DIP2C: variants seen among roughly 807,000 people sequenced by gnomAD.
DIP2C encodes the protein disco-interacting protein 2 homolog C.
Under a neutral mutation model 192.4 loss-of-function variants are expected in DIP2C, and 33 were observed. The observed-to-expected ratio is 0.17, with a 90% CI of 0.13 to 0.23. DIP2C has a LOEUF of 0.23. Ranked by LOEUF, DIP2C falls within the 10% of genes least tolerant of loss-of-function variation. DIP2C has a pLI of 1.00. For synonymous variants in DIP2C, 979 were observed against 864.1 expected (o/e 1.13, Z -2.33); for missense variants, 1,537 against 2,110.1 (o/e 0.73, Z 5.32).
chr10:289,263 C>T (rs1403629143), intron 32 of DIP2C, among the ~76,000 whole-genome samples: 1 of 97,540 alleles, frequency 1.0e-5, no homozygotes, highest in African/African-American at 3.8e-5. Context: ...CTACCATCCC[C>T]CAGTGATGTT....
chr10:541,503 A>G (rs184870363), intron 1 of DIP2C, among the ~76,000 whole-genome samples: 293 of 72,442 alleles, frequency 4.0e-3, no homozygotes, highest in African/African-American at 0.014. Context: ...ATCCCACAGC[A>G]TGACCCTCCA....
At chr10:384,516 G>C in intron 15 of DIP2C, 30 bp downstream of exon 15, 1 of 1,607,004 alleles carries the variant, frequency 6.2e-7, no homozygotes, top group South Asian at 1.1e-5. Context: ...GGGATTACAG[G>C]TGTGAGCCAC....
At chr10:344,378 A>G (rs4881153) in intron 28 of DIP2C, among the ~76,000 whole-genome samples, 83,282 of 133,774 alleles carry the variant, frequency 0.62, 24,146 homozygotes, top group Non-Finnish European at 0.66. Flanking sequence ...CGAAGTCCCC[A>G]AGGGTGGGGC....
intron 1 of DIP2C, among the ~76,000 whole-genome samples, chr10:519,449 C>G (rs988564410): frequency 6.6e-6 from 1 of 152,206 alleles, no homozygotes; most frequent in Admixed American, 6.5e-5. Flanking sequence ...GTGCTGACCC[C>G]GCGTGGTATT....
chr10:603,469 T>C (rs1852243336), intron 1 of DIP2C, among the ~76,000 whole-genome samples: 1 of 152,128 alleles, frequency 6.6e-6, no homozygotes, highest in Admixed American at 6.5e-5. Flanking sequence ...TAACACGTCA[T>C]GTGTTAAAGA....
At chr10:501,298 T>C (rs1000625962) in intron 1 of DIP2C, among the ~76,000 whole-genome samples, 6 of 151,016 alleles carry the variant, frequency 4.0e-5, no homozygotes, top group African/African-American at 1.5e-4. Context: ...TTGCCCAACC[T>C]TTATTAAGTG....
At chr10:534,695 A>C (rs1429491335) in intron 1 of DIP2C, among the ~76,000 whole-genome samples, 1 of 135,974 alleles carries the variant, frequency 7.4e-6, no homozygotes, top group African/African-American at 2.9e-5. Flanking sequence ...TTTGAGACGG[A>C]GTCTCGCTCT....
chr10:529,544 A>C (rs1847251333), intron 1 of DIP2C, among the ~76,000 whole-genome samples: 1 of 152,146 alleles, frequency 6.6e-6, no homozygotes, highest in Non-Finnish European at 1.5e-5. Flanking sequence ...CTATGTATCC[A>C]AAAGGGAGAT....
intron 10 of DIP2C, among the ~76,000 whole-genome samples, chr10:393,792 A>AG (rs1474478823): frequency 1.0e-4 from 14 of 134,932 alleles, no homozygotes; most frequent in Non-Finnish European, 2.0e-4. Context: ...AAAAAAAAAA[A>AG]AAAAGAAAAA....
intron 1 of DIP2C, among the ~76,000 whole-genome samples, chr10:597,418 A>G (rs1422657382): frequency 6.6e-6 from 1 of 151,798 alleles, no homozygotes; most frequent in East Asian, 1.9e-4. Context: ...AGTGGTCTTC[A>G]GAGTTTCCTT....
rs1348911700 is a variant in DIP2C, at chr10:329,368, G to A, written c.3753+65C>T. 3.3e-6 allele frequency: 5 copies of A among 1,508,296 alleles called. No individual in the cohort carries two copies. In the South Asian group the frequency reaches 5.3e-5, roughly 16 times the overall value. The allele number at this position is 1,508,296 out of a possible 1,614,324, so 93.4% of individuals were successfully genotyped here. ...GTTTTAACTTCACCCCATCACAGAT[G>A]TGCCTTCTTAGAAAGGAGTCCCTGT... On this transcript the variant is annotated intron_variant, in intron 30 of 36. Coordinates refer to ENST00000280886, the MANE Select transcript of DIP2C (RefSeq NM_014974.3).
chr10:483,822 A>AT (rs113550481), intron 2 of DIP2C, among the ~76,000 whole-genome samples: 2,695 of 147,234 alleles, frequency 0.018, 78 homozygotes, highest in African/African-American at 0.06. Context: ...CATTTTACCA[A>AT]TTTTTTTTTT....
chr10:582,260 C>T (rs375152599), intron 1 of DIP2C, among the ~76,000 whole-genome samples: 8 of 152,350 alleles, frequency 5.3e-5, no homozygotes, highest in African/African-American at 1.9e-4. Flanking sequence ...GGAGACACCA[C>T]TCGTGACCCT....
chr10:298,204 C>T, intron 32 of DIP2C, among the ~76,000 whole-genome samples: 1 of 152,192 alleles, frequency 6.6e-6, no homozygotes, highest in East Asian at 1.9e-4. Context: ...TGGACTGTGA[C>T]AGTCTCTCAG....
intron 4 of DIP2C, among the ~76,000 whole-genome samples, chr10:439,720 A>G (rs1967575694): frequency 6.7e-6 from 1 of 150,300 alleles, no homozygotes; most frequent in African/African-American, 2.5e-5. Flanking sequence ...ATAAAGGTGA[A>G]TACTCAGGAG....
chr10:663,497 C>T (rs1269658596), intron 1 of DIP2C: 1 of 152,260 alleles, frequency 6.6e-6, no homozygotes, highest in African/African-American at 2.4e-5. Context: ...AGCCCTGCAT[C>T]CCAGGAAGCA....
chr10:346,600 A>T (rs1958479299), intron 26 of DIP2C, among the ~76,000 whole-genome samples: 1 of 135,516 alleles, frequency 7.4e-6, no homozygotes, highest in African/African-American at 2.9e-5. Flanking sequence ...CACCCAACCC[A>T]GACACACCGC....
At chr10:371,959 C>T (rs949085120) in intron 17 of DIP2C, among the ~76,000 whole-genome samples, 1 of 152,102 alleles carries the variant, frequency 6.6e-6, no homozygotes, top group Non-Finnish European at 1.5e-5. Flanking sequence ...AAGCAAAATG[C>T]TAGGCTAGCC....
At chr10:516,124 T>C (rs1418967914) in intron 1 of DIP2C, among the ~76,000 whole-genome samples, 2 of 149,924 alleles carry the variant, frequency 1.3e-5, no homozygotes. Flanking sequence ...TGGGTCTCTG[T>C]ACCTTTGTCC....
Sources: gnomAD v4.1 joint callset for allele counts (sites outside exome capture counted in the v4.1 genomes callset) on GRCh38, gnomAD v4.1.1 for gene constraint, MANE v1.5 for transcripts, NCBI Gene and HGNC (gene_info 2026-07-23, HGNC 2026-07-21) for gene names.